The following RPTOR variants were observed in gnomAD, a reference collection of about 807,000 sequenced individuals.
RPTOR encodes the protein regulatory-associated protein of mTOR.
A neutral mutation model predicts 169.9 loss-of-function variants in RPTOR; 21 were observed. The observed-to-expected ratio is 0.12, with a 90% CI of 0.09 to 0.18. The LOEUF is 0.18. Ranked by LOEUF, RPTOR falls within the 10% of genes least tolerant of loss-of-function variation. RPTOR has a pLI of 1.00. For synonymous variants in RPTOR, 732 were observed against 753.2 expected (o/e 0.97, Z 0.46); for missense variants, 1,133 against 1,855.9 (o/e 0.61, Z 7.16).
chr17:80,912,101 T>C (rs2068620045), intron 21 of RPTOR, among the ~76,000 whole-genome samples: 1 of 152,228 alleles, frequency 6.6e-6, no homozygotes, highest in Non-Finnish European at 1.5e-5. Flanking sequence ...AGTTTAAGAT[T>C]TCAAGGTTGG....
At position 80,961,389 on chromosome 17, in the gene RPTOR, T is replaced by C. The variant is rs1189361467; in HGVS notation, c.3606-5T>C. The C allele has an allele frequency of 1.3e-6, 2 of 1,547,432 alleles. No homozygotes were observed. The highest frequency in any genetic ancestry group is 2.4e-5 in the East Asian group (1 of 40,918). ...CCCACGCTGAGCGTGCCCCCTCCCC[T>C]ACAGCCGCGTCATGACGTACCGGGA... On this transcript the variant is annotated splice_polypyrimidine_tract_variant and splice_region_variant and intron_variant, in intron 30 of 33. Coordinates refer to ENST00000306801, the MANE Select transcript of RPTOR (RefSeq NM_020761.3).
chr17:80,914,928 T>C (rs1166599862), intron 21 of RPTOR, among the ~76,000 whole-genome samples: 1 of 152,212 alleles, frequency 6.6e-6, no homozygotes, highest in East Asian at 1.9e-4. Context: ...ATGGGAACTT[T>C]TAGTGCTTTT....
chr17:80,859,451 T>C (rs1250393044), intron 13 of RPTOR, among the ~76,000 whole-genome samples: 1 of 152,194 alleles, frequency 6.6e-6, no homozygotes, highest in African/African-American at 2.4e-5. Context: ...CCTTTGCCTT[T>C]AGCTGTCCGT....
intron 23 of RPTOR, among the ~76,000 whole-genome samples, chr17:80,925,135 G>A (rs2068795620): frequency 6.6e-6 from 1 of 152,224 alleles, no homozygotes; most frequent in Non-Finnish European, 1.5e-5. Context: ...TGGGGATGGT[G>A]GGACCGACGT....
At chr17:80,709,711 G>GT (rs140659407) in intron 4 of RPTOR, among the ~76,000 whole-genome samples, 2,024 of 152,042 alleles carry the variant, frequency 0.013, 61 homozygotes, top group African/African-American at 0.046. Context: ...GTTGTCACAG[G>GT]TTTTTTTTAA....
chr17:80,841,693 TCTCA>T (rs1447146901), intron 10 of RPTOR, among the ~76,000 whole-genome samples: 8 of 30,786 alleles, frequency 2.6e-4, no homozygotes, highest in Admixed American at 3.8e-4. Flanking sequence ...CCGCACGGCA[TCTCA>T]CTCTCACCGC....
intron 12 of RPTOR, 128 bp from the exon 13 acceptor site, chr17:80,857,662 C>G (rs530406745): frequency 1.6e-6 from 1 of 624,036 alleles, no homozygotes; most frequent in African/African-American, 1.8e-5. Flanking sequence ...TAAGTGAGGC[C>G]CATTCATTCC....
intron 7 of RPTOR, among the ~76,000 whole-genome samples, chr17:80,796,824 G>C (rs908238): frequency 0.21 from 32,443 of 152,130 alleles, 3,792 homozygotes; most frequent in African/African-American, 0.3. Context: ...TGGTGCCTCC[G>C]CCTCACAGTG....
Position 80,892,768 on chromosome 17 carries a change from C to T in RPTOR, c.2141C>T (p.Thr714Ile), listed in dbSNP as rs2143871844. The T allele has an allele frequency of 6.2e-7, 1 of 1,614,166 alleles. No individual in the cohort carries two copies. Among genetic ancestry groups the T allele is most frequent in the South Asian group, 1.1e-5 (1 of 91,082 alleles). Residue 714 changes from threonine to isoleucine, a missense_variant, in exon 19 of 34, where the codon ACC (threonine) becomes ATC (isoleucine). Physicochemically the swap from Thr to Ile is moderately conservative, Grantham distance 89 (BLOSUM62 -1). This residue lies in a region of RPTOR where 150 missense variants were observed against 206.4 expected (regional missense o/e 0.73). Coordinates refer to ENST00000306801, the MANE Select transcript of RPTOR (RefSeq NM_020761.3). Reference protein sequence around the residue: ...SLTPVRDSPCTPRLRSVSSYG... With the variant: ...SLTPVRDSPCIPRLRSVSSYG... ...ACCCCAGTGCGAGACAGCCCGTGCA[C>T]CCCCAGACTTCGTTCTGTGAGCTCC...
chr17:80,907,905 CAGA>C (rs1005559303), intron 20 of RPTOR, among the ~76,000 whole-genome samples: 1 of 152,202 alleles, frequency 6.6e-6, no homozygotes, highest in Non-Finnish European at 1.5e-5. Flanking sequence ...CCACTGCTGA[CAGA>C]AGGAGTCACT....
At chr17:80,717,544 G>A (rs1313266568) in intron 4 of RPTOR, among the ~76,000 whole-genome samples, 3 of 152,052 alleles carry the variant, frequency 2.0e-5, no homozygotes, top group East Asian at 3.9e-4. Context: ...AGACAGGCGC[G>A]TGTTCTTCCA....
intron 13 of RPTOR, among the ~76,000 whole-genome samples, chr17:80,880,159 G>A (rs1043285425): frequency 3.3e-5 from 5 of 152,202 alleles, no homozygotes; most frequent in Non-Finnish European, 7.3e-5. Context: ...CCCAGCAGGT[G>A]CCCGGACGTT....
intron 21 of RPTOR, among the ~76,000 whole-genome samples, chr17:80,916,512 G>A (rs1042419154): frequency 6.6e-6 from 1 of 152,248 alleles, no homozygotes; most frequent in African/African-American, 2.4e-5. Context: ...TGGCAGGTGT[G>A]AGATGCGGGC....
chr17:80,947,809 C>T lies in RPTOR; in HGVS notation c.3265+458C>T, dbSNP rs1260955031. Among the ~76,000 whole-genome samples the T allele has an allele frequency of 4.6e-5, 7 of 152,176 alleles. No individual in the cohort carries two copies. Among genetic ancestry groups the T allele is most frequent in the Non-Finnish European group, 5.9e-5 (4 of 68,034 alleles). On this transcript the variant is annotated intron_variant, in intron 27 of 33. Coordinates refer to ENST00000306801, the MANE Select transcript of RPTOR (RefSeq NM_020761.3). The surrounding 1 kb of genome is among the most constrained non-coding windows in gnomAD (Gnocchi z 4.4). Reference sequence around the variant, plus strand: ...GCTGGCACTCACCCTCCTCCAGTCCCGTCCTGCACCTGAAAGGACATCGTT... The same window carrying T: ...GCTGGCACTCACCCTCCTCCAGTCCTGTCCTGCACCTGAAAGGACATCGTT...
At chr17:80,840,549 TC>T (rs2067622591) in intron 10 of RPTOR, among the ~76,000 whole-genome samples, 1 of 106,078 alleles carries the variant, frequency 9.4e-6, no homozygotes, top group Non-Finnish European at 1.8e-5. Flanking sequence ...GGCAGCTCAC[TC>T]TCACCGCACG....
At chr17:80,767,759 C>G (rs1032656585) in intron 6 of RPTOR, among the ~76,000 whole-genome samples, 4 of 152,158 alleles carry the variant, frequency 2.6e-5, no homozygotes, top group African/African-American at 9.7e-5. Flanking sequence ...AGGTTACTGC[C>G]TAACTGTTGA....
Position 80,940,519 on chromosome 17 carries a change from G to C in RPTOR, c.2943G>C (p.Glu981Asp). The C allele has an allele frequency of 6.2e-7, 1 of 1,613,854 alleles. No homozygotes were observed. The change falls in exon 25 of 34, where the codon GAG becomes GAC. Residue 981 changes from glutamate to aspartate, a missense_variant. This residue lies in a region of RPTOR where 410 missense variants were observed against 623.7 expected (regional missense o/e 0.66). Transcript: ENST00000306801. ...VMKIPEEHDLESQIRKEREWR... is the reference protein window; with the variant it reads ...VMKIPEEHDLDSQIRKEREWR... ...AGATCCCAGAAGAGCACGACCTGGAGAGTCAGATCCGCAAGGAGCGGGAGT... is the reference window on the plus strand; with the variant it reads ...AGATCCCAGAAGAGCACGACCTGGACAGTCAGATCCGCAAGGAGCGGGAGT...
chr17:80,746,909 G>T lies in RPTOR; in HGVS notation c.655-7101G>T, dbSNP rs184554520. ...GCAGAACCCTTTGGCTTGAATGTCAGGATGTTTTTTAAAAATGCTAGGTTC... is the reference window on the plus strand; with the variant it reads ...GCAGAACCCTTTGGCTTGAATGTCATGATGTTTTTTAAAAATGCTAGGTTC... On this transcript the variant is annotated intron_variant, in intron 5 of 33. Transcript: ENST00000306801. The surrounding 1 kb of genome is among the most constrained non-coding windows in gnomAD (Gnocchi z 4.5). Among the ~76,000 whole-genome samples, 33 of 139,492 alleles carry T rather than the reference G, an allele frequency of 2.4e-4. No homozygotes were observed. Among genetic ancestry groups the T allele is most frequent in the Non-Finnish European group, 3.7e-4 (23 of 62,768 alleles). 91.5% of individuals were successfully genotyped at this position (139,492 alleles called of 152,430 possible).
intron 6 of RPTOR, among the ~76,000 whole-genome samples, chr17:80,787,315 G>A (rs1252216533): frequency 6.6e-6 from 1 of 152,192 alleles, no homozygotes; most frequent in Non-Finnish European, 1.5e-5. Context: ...ATTGATGTGT[G>A]TTTAGCTAGA....
Sources: allele counts gnomAD v4.1 joint callset (sites outside exome capture counted in the v4.1 genomes callset), GRCh38; gene constraint gnomAD v4.1.1; regional missense constraint gnomAD v4.1.1; non-coding constraint Gnocchi (gnomAD v3.1); transcripts MANE v1.5; gene names NCBI Gene and HGNC (gene_info 2026-07-23, HGNC 2026-07-21).